STK3: variants seen among roughly 807,000 people sequenced by gnomAD.
The protein encoded by STK3 is serine/threonine kinase 3.
A neutral mutation model predicts 58.0 loss-of-function variants in STK3; 41 were observed. That is an observed-to-expected ratio of 0.71 (90% CI 0.55 to 0.92). STK3 has a LOEUF of 0.92. Among genes scored for constraint, STK3 ranks in the 40% least tolerant of loss-of-function variants. STK3 has a pLI of 0.00. For missense variants in STK3, 479 were observed against 602.7 expected (o/e 0.79, Z 2.15); for synonymous variants, 170 against 191.0 (o/e 0.89, Z 0.91).
intron 10 of STK3, among the ~76,000 whole-genome samples, chr8:98,477,146 A>C (rs1821381728): frequency 6.6e-6 from 1 of 152,104 alleles, no homozygotes; most frequent in South Asian, 2.1e-4. Flanking sequence ...CCAATTACCT[A>C]CTCTGCCCAA....
chr8:98,416,816 C>A (rs2086958431), intron 3 of STK3, among the ~76,000 whole-genome samples: 1 of 152,166 alleles, frequency 6.6e-6, no homozygotes, highest in African/African-American at 2.4e-5. Context: ...TGTGAATTAG[C>A]TTTTTGTCAC....
At chr8:98,923,871 G>GCA (rs1554703551) in intron 1 of STK3, among the ~76,000 whole-genome samples, 2 of 148,398 alleles carry the variant, frequency 1.3e-5, no homozygotes, top group East Asian at 4.0e-4. Context: ...GCGCGCGCGC[G>GCA]CGCGCGTTGA....
chr8:98,682,553 T>C (rs1823714111), intron 6 of STK3, among the ~76,000 whole-genome samples: 1 of 152,170 alleles, frequency 6.6e-6, no homozygotes, highest in African/African-American at 2.4e-5. Flanking sequence ...GCAAATTAAA[T>C]GATCCCAGAT....
chr8:98,892,285 C>A (rs189781229), intron 1 of STK3, among the ~76,000 whole-genome samples: 109 of 152,268 alleles, frequency 7.2e-4, no homozygotes, highest in African/African-American at 2.5e-3. Context: ...TTCAGGTCAC[C>A]ATCGACTCCT....
At chr8:98,752,123 A>G (rs1367721726) in intron 3 of STK3, among the ~76,000 whole-genome samples, 1 of 152,210 alleles carries the variant, frequency 6.6e-6, no homozygotes, top group African/African-American at 2.4e-5. Context: ...GAACCAAAAA[A>G]GAGCCCGAAT....
chr8:98,656,102 T>G (rs1332267390), intron 6 of STK3, among the ~76,000 whole-genome samples: 2 of 152,092 alleles, frequency 1.3e-5, no homozygotes, highest in Admixed American at 6.6e-5. Context: ...CCAACAATGA[T>G]AGACTGGATT....
intron 2 of STK3, among the ~76,000 whole-genome samples, chr8:98,373,743 T>A (rs1182382757): frequency 6.6e-6 from 1 of 152,228 alleles, no homozygotes; most frequent in Non-Finnish European, 1.5e-5. Context: ...TCTTTCCTTT[T>A]TTTTGTGAAT....
At chr8:98,868,379 T>C (rs1837225385) in intron 3 of STK3, among the ~76,000 whole-genome samples, 1 of 152,158 alleles carries the variant, frequency 6.6e-6, no homozygotes, top group Non-Finnish European at 1.5e-5. Context: ...TTCCCCTGGA[T>C]AGCAACACTC....
downstream of STK3, chr8:98,881,865 A>G (rs1837806335): frequency 6.6e-6 from 1 of 152,190 alleles, no homozygotes; most frequent in Admixed American, 6.5e-5. Flanking sequence ...TTAATAAATA[A>G]AAATGAGAAT....
chr8:98,706,701 T>C (rs1051339982), intron 5 of STK3, 67 bp from the exon 6 acceptor site: 2 of 1,420,302 alleles, frequency 1.4e-6, no homozygotes, highest in African/African-American at 1.5e-5. Flanking sequence ...ATGCCAAACA[T>C]ACTTTTAAAA....
intron 3 of STK3, among the ~76,000 whole-genome samples, chr8:98,846,514 T>C (rs1057122517): frequency 1.3e-5 from 2 of 152,182 alleles, no homozygotes; most frequent in Admixed American, 6.5e-5. Context: ...CATACATAAG[T>C]CTTTGCCCCC....
rs201638066 is a variant in STK3 at position 98,743,090 on chromosome 8, G to C, written c.351+6186C>G. The stretch of plus-strand genomic sequence containing the variant: ...TCAATGAAATAAAAGAGGATACAAA[G>C]AAATGGAAGAACATTCCATGCTCAT... On this transcript the variant is annotated intron_variant, in intron 4 of 10. Transcript: ENST00000419617. 2.5e-3 allele frequency among the ~76,000 whole-genome samples: 377 copies of C among 151,858 alleles called. 1 individual carries two copies. Among genetic ancestry groups the C allele is most frequent in the African/African-American group, 8.2e-3 (341 of 41,436 alleles).
chr8:98,868,864 C>G (rs981545489), intron 3 of STK3, among the ~76,000 whole-genome samples: 2 of 151,900 alleles, frequency 1.3e-5, no homozygotes, highest in South Asian at 2.1e-4. Flanking sequence ...GTGGTCCCAG[C>G]TACTCGAGAG....
chr8:98,363,354 G>T, the STK3 span, among the ~76,000 whole-genome samples: 1 of 152,120 alleles, frequency 6.6e-6, no homozygotes, highest in Non-Finnish European at 1.5e-5. Context: ...TGCACCCCCA[G>T]AAAATCACTT....
intron 6 of STK3, among the ~76,000 whole-genome samples, chr8:98,632,678 TA>T (rs34377687): frequency 1.2e-4 from 18 of 152,140 alleles, no homozygotes; most frequent in African/African-American, 4.3e-4. Context: ...TAAACTGCAC[TA>T]AAAAAATATG....
intron 6 of STK3, among the ~76,000 whole-genome samples, chr8:98,641,282 T>C (rs921983181): frequency 1.3e-5 from 2 of 152,178 alleles, no homozygotes; most frequent in African/African-American, 4.8e-5. Context: ...AAGCTCAAGA[T>C]CCAAATTAGC....
rs559155971 is a variant in STK3 at position 98,693,384 on chromosome 8, C to A, written c.684+13083G>T. On this transcript the variant is annotated intron_variant, in intron 6 of 10. Coordinates refer to ENST00000419617, the MANE Select transcript of STK3 (RefSeq NM_006281.4). Reference sequence around the variant, plus strand: ...CTCCAGCCTGGGTGACAAAGCAAGACCCTGTGAAAGAAGAAAGAAGATGAT... The same window carrying A: ...CTCCAGCCTGGGTGACAAAGCAAGAACCTGTGAAAGAAGAAAGAAGATGAT... Among the ~76,000 whole-genome samples the A allele has an allele frequency of 4.6e-5, 7 of 152,084 alleles. No homozygotes were observed. In the South Asian group the frequency reaches 1.5e-3, roughly 32 times the overall value.
At chr8:98,858,620 G>A (rs913972398) in intron 3 of STK3, among the ~76,000 whole-genome samples, 5 of 151,440 alleles carry the variant, frequency 3.3e-5, no homozygotes, top group Non-Finnish European at 7.4e-5. Context: ...TGGGCCAGGC[G>A]CCGTGACTCA....
At chr8:98,397,498 T>C (rs1192376336), downstream of STK3, among the ~76,000 whole-genome samples, 32 of 152,060 alleles carry the variant, frequency 2.1e-4, no homozygotes, top group Admixed American at 2.1e-3. Flanking sequence ...ATCATGACAC[T>C]GCACTCCAGC....
Sources: gnomAD v4.1 joint callset for allele counts (sites outside exome capture counted in the v4.1 genomes callset) on GRCh38, gnomAD v4.1.1 for gene constraint, MANE v1.5 for transcripts, NCBI Gene and HGNC (gene_info 2026-07-23, HGNC 2026-07-21) for gene names.